Variants in AP3B1 observed in about 807,000 individuals in gnomAD.
The protein encoded by AP3B1 is AP-3 complex subunit beta-1.
A neutral mutation model predicts 132.5 loss-of-function variants in AP3B1; 61 were observed. The observed-to-expected ratio is 0.46, with a 90% CI of 0.37 to 0.57. The LOEUF (loss-of-function observed/expected upper bound fraction) is 0.57. AP3B1 is among the 20% of genes least tolerant of loss of function. The pLI, the probability that AP3B1 is intolerant of heterozygous loss-of-function variation, is 0.00. For missense variants in AP3B1, 1,120 were observed against 1,289.4 expected (o/e 0.87, Z 2.01); for synonymous variants, 388 against 438.3 (o/e 0.89, Z 1.43).
chr5:78,014,441 A>C (rs72774594), intron 26 of AP3B1, among the ~76,000 whole-genome samples: 1 of 152,110 alleles, frequency 6.6e-6, no homozygotes, highest in African/African-American at 2.4e-5. Context: ...TGTAAAGCAC[A>C]TAAGAAGTTA....
At position 78,169,958 on chromosome 5, in the gene AP3B1, C is replaced by A. The variant is rs113224217; in HGVS notation, c.1168-4286G>T. The stretch of plus-strand genomic sequence containing the variant: ...TGTGTGATGTTCCCGGCCCTGTGTC[C>A]AAGTGTTCTCATTGTTCACTTCCCA... On this transcript the variant is annotated intron_variant, in intron 11 of 26. Coordinates refer to ENST00000255194, the MANE Select transcript of AP3B1 (RefSeq NM_003664.5). Among the ~76,000 whole-genome samples the A allele has an allele frequency of 2.2e-3, 328 of 152,138 alleles. 1 individual carries two copies. The highest frequency in any genetic ancestry group is 7.6e-3 in the African/African-American group (316 of 41,490).
At chr5:78,196,888 G>C (rs1745096685) in intron 7 of AP3B1, among the ~76,000 whole-genome samples, 2 of 152,178 alleles carry the variant, frequency 1.3e-5, no homozygotes, top group African/African-American at 2.4e-5. Flanking sequence ...TGAACAAGTA[G>C]AGCATAGAGA....
At chr5:78,232,560 A>G (rs1044703058) in intron 3 of AP3B1, among the ~76,000 whole-genome samples, 1 of 152,250 alleles carries the variant, frequency 6.6e-6, no homozygotes, top group Non-Finnish European at 1.5e-5. Context: ...CTATGCCCAG[A>G]GAAGCTGTGC....
At chr5:78,193,770 A>ATATATATATATATATATTTTT in intron 7 of AP3B1, among the ~76,000 whole-genome samples, 2 of 67,208 alleles carry the variant, frequency 3.0e-5, no homozygotes, top group African/African-American at 5.2e-5. Flanking sequence ...ATATATATAT[A>ATATATATATATATATATTTTT]TTTTTTTTTT....
intron 13 of AP3B1, among the ~76,000 whole-genome samples, chr5:78,158,986 C>A (rs984295483): frequency 6.6e-6 from 1 of 152,112 alleles, no homozygotes; most frequent in African/African-American, 2.4e-5. Flanking sequence ...CGTGAGCCAC[C>A]GCGCCCACCC....
At chr5:78,040,761 A>T (rs1367084441) in intron 22 of AP3B1, among the ~76,000 whole-genome samples, 1 of 152,170 alleles carries the variant, frequency 6.6e-6, no homozygotes, top group Non-Finnish European at 1.5e-5. Context: ...TCTCTATTAT[A>T]GTTCTGAGAG....
intron 6 of AP3B1, chr5:78,222,322 G>T: frequency 6.5e-6 from 1 of 153,962 alleles, no homozygotes. Context: ...ATTGCCTGCA[G>T]AGGGAGAAAG....
chr5:78,123,423 G>A (rs1400455278), intron 17 of AP3B1, among the ~76,000 whole-genome samples: 1 of 151,978 alleles, frequency 6.6e-6, no homozygotes, highest in Non-Finnish European at 1.5e-5. Context: ...CTACAGAATG[G>A]GAGAAAATTT....
chr5:78,138,548 C>T (rs1423752601), intron 15 of AP3B1, among the ~76,000 whole-genome samples: 3 of 152,110 alleles, frequency 2.0e-5, no homozygotes, highest in African/African-American at 7.2e-5. Context: ...AAACAGAGAA[C>T]AACTCTTCAA....
rs192587350 is a variant in AP3B1, at chr5:78,259,895, G to A, written c.204+7625C>T. Reference sequence around the variant, plus strand: ...TGAGGCAGGAGGATCACTTGGACCCGGGAGGCAGAGGTTGCAGTGAACTGA... The same window carrying A: ...TGAGGCAGGAGGATCACTTGGACCCAGGAGGCAGAGGTTGCAGTGAACTGA... On this transcript the variant is annotated intron_variant, in intron 2 of 26. Transcript: ENST00000255194. Among the ~76,000 whole-genome samples the A allele has an allele frequency of 5.0e-3, 758 of 151,980 alleles. 6 individuals carry two copies. The highest frequency in any genetic ancestry group is 6.3e-3 in the Non-Finnish European group (430 of 67,974).
At chr5:78,194,449 G>A (rs747186800) in intron 7 of AP3B1, among the ~76,000 whole-genome samples, 7 of 152,018 alleles carry the variant, frequency 4.6e-5, no homozygotes, top group African/African-American at 1.4e-4. Context: ...TTTCTAATTC[G>A]TACTAATTAA....
chr5:78,262,073 G>A (rs1334818048), intron 2 of AP3B1, among the ~76,000 whole-genome samples: 1 of 151,998 alleles, frequency 6.6e-6, no homozygotes, highest in East Asian at 1.9e-4. Context: ...CCAGCCATTT[G>A]GTAGGTTTTT....
intron 2 of AP3B1, among the ~76,000 whole-genome samples, chr5:78,242,329 C>T (rs1240231072): frequency 6.6e-6 from 1 of 152,168 alleles, no homozygotes; most frequent in Non-Finnish European, 1.5e-5. Flanking sequence ...TCTAAAGCAT[C>T]ATCAAATTTT....
At chr5:78,090,871 GT>G (rs1244652652) in intron 21 of AP3B1, among the ~76,000 whole-genome samples, 1 of 148,936 alleles carries the variant, frequency 6.7e-6, no homozygotes, top group Non-Finnish European at 1.5e-5. Context: ...GAGTAAAGCG[GT>G]GCAATCCCTT....
At chr5:78,160,601 T>C (rs1331444517) in intron 13 of AP3B1, among the ~76,000 whole-genome samples, 4 of 152,098 alleles carry the variant, frequency 2.6e-5, no homozygotes. Context: ...GATTCATTAT[T>C]TGAACAGATG....
intron 26 of AP3B1, 63 bp from the exon 27 acceptor site, chr5:78,003,118 A>T: frequency 6.5e-7 from 1 of 1,546,396 alleles, no homozygotes; most frequent in Non-Finnish European, 8.9e-7. Context: ...GATAGCATAC[A>T]TTCAAATAGG....
chr5:78,168,657 C>T (rs1743765530), intron 11 of AP3B1, among the ~76,000 whole-genome samples: 1 of 152,196 alleles, frequency 6.6e-6, no homozygotes, highest in African/African-American at 2.4e-5. Context: ...CCAAAAACTT[C>T]TATGTATATT....
chr5:78,171,603 T>G (rs530517986), intron 11 of AP3B1, among the ~76,000 whole-genome samples: 1 of 152,346 alleles, frequency 6.6e-6, no homozygotes, highest in African/African-American at 2.4e-5. Context: ...TGAGACACTT[T>G]GCTGAAGTTG....
chr5:78,043,825 C>A, intron 22 of AP3B1: 1 of 367,582 alleles, frequency 2.7e-6, no homozygotes, highest in East Asian at 7.0e-5. Flanking sequence ...TCCTTTAGTA[C>A]CAGGGAATAC....
Sources: gnomAD v4.1 joint callset for allele counts (sites outside exome capture counted in the v4.1 genomes callset) on GRCh38, gnomAD v4.1.1 for gene constraint, MANE v1.5 for transcripts, NCBI Gene and HGNC (gene_info 2026-07-23, HGNC 2026-07-21) for gene names.